WFDC11: variants seen among roughly 807,000 people sequenced by gnomAD.
WFDC11 encodes WAP four-disulfide core domain 11.
A neutral mutation model predicts 9.9 loss-of-function variants in WFDC11; 9 were observed. That is an observed-to-expected ratio of 0.91 (90% CI 0.55 to 1.58). The LOEUF is 1.58. WFDC11 is among the 40% of genes most tolerant of loss of function. WFDC11 has a pLI of 0.00. For missense variants in WFDC11, 106 were observed against 101.7 expected, an observed-to-expected ratio of 1.04 and a Z score of -0.18; for synonymous variants, 32 against 33.3, an observed-to-expected ratio of 0.96 and a Z score of 0.13.
rs371241847 is a variant in WFDC11 at position 45,661,976 on chromosome 20, T to G, written c.-52+5112A>C. Among the ~76,000 whole-genome samples, 27 of 152,250 alleles carry G rather than the reference T, an allele frequency of 1.8e-4. No individual in the cohort carries two copies. In the East Asian group the frequency reaches 2.9e-3, roughly 16 times the overall value. On this transcript the variant is annotated intron_variant, in intron 2 of 4. Transcript: ENST00000324384. ...GAAGAAAGTCATTGGTAGCTTGATG[T>G]GGATGGCATTGAATCTATAAATTAC...
chr20:45,665,243 G>A (rs1159301846), intron 2 of WFDC11, among the ~76,000 whole-genome samples: 5 of 152,036 alleles, frequency 3.3e-5, no homozygotes, highest in African/African-American at 1.2e-4. Context: ...CGAAGTTCTC[G>A]TGCCATGGTT....
rs1035689859 is a variant in WFDC11, at chr20:45,652,202, C to A, written c.-51-1551G>T. Among the ~76,000 whole-genome samples, 43 of 152,184 alleles carry A rather than the reference C, an allele frequency of 2.8e-4. 1 individual carries two copies. The highest frequency in any genetic ancestry group is 3.3e-4 in the Admixed American group (5 of 15,286). On this transcript the variant is annotated intron_variant, in intron 2 of 4. Coordinates refer to ENST00000324384, the MANE Select transcript of WFDC11 (RefSeq NM_147197.2). ...CACTCCCCAGTAGGGCAGACTGACA[C>A]CTCACACAGCTGGGTACTCCTCTGA...
At chr20:45,648,815 G>T in intron 4 of WFDC11, 76 bp from the exon 5 acceptor site, 1 of 1,441,862 alleles carries the variant, frequency 6.9e-7, no homozygotes, top group Non-Finnish European at 9.7e-7. Flanking sequence ...CTGCTTAATA[G>T]TATCCATGTT....
At chr20:45,664,175 G>A (rs1009696050) in intron 2 of WFDC11, among the ~76,000 whole-genome samples, 5 of 152,234 alleles carry the variant, frequency 3.3e-5, no homozygotes, top group African/African-American at 1.2e-4. Flanking sequence ...TTACCATTAT[G>A]TAATGGCCTT....
intron 2 of WFDC11, among the ~76,000 whole-genome samples, chr20:45,658,145 C>T (rs367989754): frequency 2.4e-4 from 36 of 152,156 alleles, no homozygotes; most frequent in African/African-American, 8.7e-4. Flanking sequence ...ATCATCATCA[C>T]AATCTAGGCC....
chr20:45,664,058 T>C (rs984194618), intron 2 of WFDC11, among the ~76,000 whole-genome samples: 20 of 152,328 alleles, frequency 1.3e-4, no homozygotes, highest in Middle Eastern at 3.4e-3. Context: ...TGTGGGAGTC[T>C]AAGTCTCTTT....
At chr20:45,667,010 G>A (rs536152860) in intron 2 of WFDC11, 78 bp downstream of exon 2, 1 of 152,316 alleles carries the variant, frequency 6.6e-6, no homozygotes, top group East Asian at 1.9e-4. Context: ...TTTGGGCAGG[G>A]AACCCATCCA....
At chr20:45,655,005 A>G (rs1453368203) in intron 2 of WFDC11, among the ~76,000 whole-genome samples, 1 of 152,224 alleles carries the variant, frequency 6.6e-6, no homozygotes, top group African/African-American at 2.4e-5. Context: ...CCAGAGGTAC[A>G]AGGAGAAGCT....
chr20:45,667,064 C>T (rs1983201549), intron 2 of WFDC11, 24 bp downstream of exon 2: 1 of 152,258 alleles, frequency 6.6e-6, no homozygotes, highest in Admixed American at 6.5e-5. Flanking sequence ...CACTTCCAGC[C>T]CCAGGACCCT....
chr20:45,650,205 T>C (rs1442330944), intron 3 of WFDC11, among the ~76,000 whole-genome samples: 1 of 99,982 alleles, frequency 1.0e-5, no homozygotes, highest in East Asian at 1.6e-3. Context: ...TAGCTTATGG[T>C]ATATATACAC....
chr20:45,668,139 C>A (rs1286886862), intron 1 of WFDC11, among the ~76,000 whole-genome samples: 3 of 152,106 alleles, frequency 2.0e-5, no homozygotes, highest in Non-Finnish European at 2.9e-5. Context: ...TTTTCCTGGG[C>A]CTCAGAGCCA....
rs1982783175 is a variant in WFDC11 at position 45,650,501 on chromosome 20, T to C, written c.100A>G (p.Arg34Gly). The C allele has an allele frequency of 6.2e-7, 1 of 1,612,970 alleles. No individual in the cohort carries two copies. Among genetic ancestry groups the C allele is most frequent in the East Asian group, 2.2e-5 (1 of 44,852 alleles). Reference protein sequence around the residue: ...LGEMRKKRYDRKELLLEECWG... With the variant: ...LGEMRKKRYDGKELLLEECWG... ...CCCCTAATCCAGCCTCACCACCTAC[T>C]GTCATATCTTTTCTTCCTCATTTCT... Residue 34 changes from arginine to glycine, a missense_variant and splice_region_variant, in exon 3 of 5, where the codon AGG becomes GGG. Coordinates refer to ENST00000324384, the MANE Select transcript of WFDC11 (RefSeq NM_147197.2).
intron 2 of WFDC11, among the ~76,000 whole-genome samples, chr20:45,657,026 G>T (rs1231140914): frequency 6.6e-6 from 1 of 152,186 alleles, no homozygotes; most frequent in Non-Finnish European, 1.5e-5. Context: ...TCAGTGTGGA[G>T]ATTCCTCAAG....
intron 2 of WFDC11, among the ~76,000 whole-genome samples, chr20:45,664,072 G>T (rs969808975): frequency 3.3e-5 from 5 of 152,232 alleles, no homozygotes; most frequent in East Asian, 1.9e-4. Context: ...TCTCTTTGCA[G>T]GTCTCTAAGG....
chr20:45,655,556 C>G (rs1444057866), intron 2 of WFDC11, among the ~76,000 whole-genome samples: 3 of 152,172 alleles, frequency 2.0e-5, no homozygotes, highest in African/African-American at 7.2e-5. Context: ...CACTCCTATT[C>G]AACATAGTGT....
intron 2 of WFDC11, among the ~76,000 whole-genome samples, chr20:45,657,400 A>AT (rs1347314786): frequency 9.4e-5 from 12 of 127,562 alleles, no homozygotes; most frequent in Non-Finnish European, 1.7e-4. Flanking sequence ...ACATGGACAC[A>AT]GGAAGGGGAA....
chr20:45,662,114 T>C (rs1983082188), intron 2 of WFDC11, among the ~76,000 whole-genome samples: 1 of 152,186 alleles, frequency 6.6e-6, no homozygotes, highest in African/African-American at 2.4e-5. Context: ...TTTGTGGTTC[T>C]CCTTGAAGAG....
At chr20:45,663,305 T>C (rs1600942070) in intron 2 of WFDC11, among the ~76,000 whole-genome samples, 1 of 152,216 alleles carries the variant, frequency 6.6e-6, no homozygotes, top group Admixed American at 6.5e-5. Flanking sequence ...TATTTGATTC[T>C]TCTCTCTTTT....
chr20:45,666,233 C>T (rs766039791), intron 2 of WFDC11, among the ~76,000 whole-genome samples: 113 of 152,368 alleles, frequency 7.4e-4, no homozygotes, highest in Middle Eastern at 3.4e-3. Flanking sequence ...CCAAGCCAGG[C>T]CCGGGAGAGA....
Sources: gnomAD v4.1 joint callset for allele counts (sites outside exome capture counted in the v4.1 genomes callset) on GRCh38, gnomAD v4.1.1 for gene constraint, MANE v1.5 for transcripts, NCBI Gene and HGNC (gene_info 2026-07-23, HGNC 2026-07-21) for gene names.